RYR3: variants seen among roughly 807,000 people sequenced by gnomAD.
RYR3 encodes brain ryanodine receptor-calcium release channel.
RYR3 carries 207 observed loss-of-function variants against 584.3 expected under a neutral mutation model. The ratio of observed to expected loss-of-function variants is 0.35; its 90% CI spans 0.32 to 0.40. The LOEUF is 0.40. Ranked by LOEUF, RYR3 falls within the 10% of genes least tolerant of loss-of-function variation. The pLI is 1.00. For synonymous variants in RYR3, 2,416 were observed against 2,248.5 expected (o/e 1.07, Z -2.11); for missense variants, 5,616 against 6,089.2 (o/e 0.92, Z 2.59).
At chr15:33,611,405 A>G (rs968456705) in intron 18 of RYR3, among the ~76,000 whole-genome samples, 4 of 151,764 alleles carry the variant, frequency 2.6e-5, no homozygotes, top group African/African-American at 9.7e-5. Context: ...AAATACAAAA[A>G]GTTAGGCGGG....
At chr15:33,827,416 C>T in intron 85 of RYR3, 129 bp downstream of exon 85, 1 of 754,020 alleles carries the variant, frequency 1.3e-6, no homozygotes, top group Non-Finnish European at 2.2e-6. Flanking sequence ...TAACGTGTAT[C>T]CACAGATGCA....
At chr15:33,717,045 A>C (rs1202262879) in intron 43 of RYR3, among the ~76,000 whole-genome samples, 1 of 152,200 alleles carries the variant, frequency 6.6e-6, no homozygotes, top group Admixed American at 6.5e-5. Flanking sequence ...GGCATATTTC[A>C]TGAAAAAGCT....
chr15:33,782,949 C>G (rs562602289), intron 65 of RYR3, among the ~76,000 whole-genome samples: 1 of 152,164 alleles, frequency 6.6e-6, no homozygotes, highest in African/African-American at 2.4e-5. Flanking sequence ...CACTAGATGT[C>G]AGACCAAAGC....
chr15:33,569,308 A>G (rs2152494819), intron 12 of RYR3, among the ~76,000 whole-genome samples: 1 of 152,292 alleles, frequency 6.6e-6, no homozygotes. Context: ...TTATCGTTTT[A>G]GCCATTTTTA....
intron 1 of RYR3, among the ~76,000 whole-genome samples, chr15:33,343,380 C>T (rs961223893): frequency 1.3e-5 from 2 of 152,168 alleles, no homozygotes; most frequent in African/African-American, 2.4e-5. Flanking sequence ...TACAGTCTAA[C>T]GAACACCTCC....
At chr15:33,324,946 G>T (rs1037216660) in intron 1 of RYR3, among the ~76,000 whole-genome samples, 13 of 152,138 alleles carry the variant, frequency 8.5e-5, no homozygotes, top group African/African-American at 3.1e-4. Flanking sequence ...AAATCAGGAT[G>T]GCATGGACAT....
rs542138101 is a variant in RYR3 at position 33,481,513 on chromosome 15, C to T, written c.171+7975C>T. Among the ~76,000 whole-genome samples the T allele has an allele frequency of 7.9e-5, 12 of 151,826 alleles. No homozygotes were observed. The South Asian group carries it at 2.5e-3, about 32-fold the overall frequency. ...TGGGTTTTTTTGAGACAGAGTCTTG[C>T]TCTGTCACCCAGGCTGGAGTGCAAT... On this transcript the variant is annotated intron_variant, in intron 2 of 103. Coordinates refer to ENST00000634891, the MANE Select transcript of RYR3 (RefSeq NM_001036.6).
intron 42 of RYR3, among the ~76,000 whole-genome samples, chr15:33,705,217 T>A (rs942600810): frequency 6.6e-6 from 1 of 152,024 alleles, no homozygotes; most frequent in Non-Finnish European, 1.5e-5. Context: ...TTATTGATGC[T>A]TCCCTGACAT....
chr15:33,826,308 G>A, intron 83 of RYR3, 39 bp downstream of exon 83: 4 of 1,604,590 alleles, frequency 2.5e-6, no homozygotes, highest in Non-Finnish European at 3.4e-6. Context: ...TACCGTGTGT[G>A]AATCCTAGGA....
intron 1 of RYR3, among the ~76,000 whole-genome samples, chr15:33,467,990 G>T (rs1471451578): frequency 6.6e-6 from 1 of 152,134 alleles, no homozygotes; most frequent in Non-Finnish European, 1.5e-5. Flanking sequence ...TTTAGAATCA[G>T]ACAGACATGA....
At chr15:33,388,013 G>A (rs1266733419) in intron 1 of RYR3, among the ~76,000 whole-genome samples, 3 of 152,170 alleles carry the variant, frequency 2.0e-5, no homozygotes, top group South Asian at 2.1e-4. Context: ...GCCACTTAAT[G>A]TCTAGCACAA....
At chr15:33,529,443 A>G (rs1400934559) in intron 3 of RYR3, among the ~76,000 whole-genome samples, 2 of 152,112 alleles carry the variant, frequency 1.3e-5, no homozygotes, top group Non-Finnish European at 2.9e-5. Flanking sequence ...TGCATTGCTC[A>G]TTGGTGTGGT....
At chr15:33,704,398 C>A (rs1435356636) in intron 42 of RYR3, among the ~76,000 whole-genome samples, 1 of 152,042 alleles carries the variant, frequency 6.6e-6, no homozygotes, top group Admixed American at 6.6e-5. Context: ...AATGACCAGA[C>A]CAGAGGGAAA....
chr15:33,667,252 C>T (rs182350448), intron 36 of RYR3, among the ~76,000 whole-genome samples: 1 of 152,160 alleles, frequency 6.6e-6, no homozygotes, highest in Non-Finnish European at 1.5e-5. Context: ...GCTGAGGCAG[C>T]AAAATGTTTA....
At chr15:33,534,774 C>T (rs896696872) in intron 5 of RYR3, among the ~76,000 whole-genome samples, 1 of 152,162 alleles carries the variant, frequency 6.6e-6, no homozygotes, top group Non-Finnish European at 1.5e-5. Context: ...TTCGGAACAT[C>T]AGCAATTAAT....
intron 1 of RYR3, among the ~76,000 whole-genome samples, chr15:33,317,277 C>T (rs189161984): frequency 2.6e-5 from 4 of 152,256 alleles, no homozygotes; most frequent in Admixed American, 2.6e-4. Flanking sequence ...CCCAGGGATT[C>T]TGCTGCTTTA....
chr15:33,473,281 A>G (rs1481886180), intron 1 of RYR3, 138 bp from the exon 2 acceptor site: 1 of 971,380 alleles, frequency 1.0e-6, no homozygotes, highest in Non-Finnish European at 1.6e-6. Flanking sequence ...TCCTTCCGTA[A>G]TCAGGTTTAA....
At chr15:33,708,926 C>T (rs374500534) in intron 43 of RYR3, among the ~76,000 whole-genome samples, 5 of 151,162 alleles carry the variant, frequency 3.3e-5, no homozygotes, top group South Asian at 2.1e-4. Context: ...AATAGAATGA[C>T]GGGGTGAGTG....
chr15:33,494,070 G>A (rs2051205191), intron 2 of RYR3, among the ~76,000 whole-genome samples: 1 of 150,442 alleles, frequency 6.6e-6, no homozygotes, highest in African/African-American at 2.5e-5. Flanking sequence ...CTGGGCCTTT[G>A]AGGAATAGGC....
Sources: allele counts gnomAD v4.1 joint callset (sites outside exome capture counted in the v4.1 genomes callset), GRCh38; gene constraint gnomAD v4.1.1; transcripts MANE v1.5; gene names NCBI Gene and HGNC (gene_info 2026-07-23, HGNC 2026-07-21).